Variants in MPPED2 observed in about 807,000 individuals in gnomAD.
MPPED2 encodes the protein metallophosphoesterase MPPED2.
MPPED2 carries 5 observed loss-of-function variants against 33.0 expected under a neutral mutation model. That is an observed-to-expected ratio of 0.15 (90% CI 0.08 to 0.32). The LOEUF (loss-of-function observed/expected upper bound fraction) is 0.32. MPPED2 is among the 10% of genes least tolerant of loss of function. The pLI is 1.00. For synonymous variants in MPPED2, 136 were observed against 141.9 expected (o/e 0.96, Z 0.29); for missense variants, 275 against 372.1 (o/e 0.74, Z 2.15).
chr11:30,579,800 T>C (rs1260061753), intron 2 of MPPED2, among the ~76,000 whole-genome samples: 2 of 149,294 alleles, frequency 1.3e-5, no homozygotes, highest in Admixed American at 1.3e-4. Context: ...CCCAGCTGAA[T>C]GTAAAGGGCT....
intron 4 of MPPED2, among the ~76,000 whole-genome samples, chr11:30,431,110 A>G (rs1949058205): frequency 6.6e-6 from 1 of 152,244 alleles, no homozygotes; most frequent in Non-Finnish European, 1.5e-5. Context: ...GAAAAACAGG[A>G]AAGCTATTCT....
chr11:30,434,994 T>A lies in MPPED2; in HGVS notation c.537-17361A>T, dbSNP rs183574163. Among the ~76,000 whole-genome samples, 37 of 152,308 alleles carry A rather than the reference T, an allele frequency of 2.4e-4. No homozygotes were observed. In the East Asian group the frequency reaches 6.6e-3, roughly 27 times the overall value. On this transcript the variant is annotated intron_variant, in intron 4 of 6. Transcript: ENST00000358117. ...CTTCAGAATCCCCAGTTTCAATATT[T>A]CTTCTTCTCCTTCAAATTTGCTACC...
chr11:30,487,309 A>G (rs1424866463), intron 4 of MPPED2, among the ~76,000 whole-genome samples: 1 of 152,158 alleles, frequency 6.6e-6, no homozygotes, highest in African/African-American at 2.4e-5. Context: ...CACTGCCAGC[A>G]CTTCCCTCTT....
intron 2 of MPPED2, among the ~76,000 whole-genome samples, chr11:30,544,019 G>A (rs147974761): frequency 2.0e-5 from 3 of 152,176 alleles, no homozygotes; most frequent in African/African-American, 2.4e-5. Flanking sequence ...CCCACTGCAC[G>A]GAGTGTGTCT....
At chr11:30,409,018 C>T (rs187422028), downstream of MPPED2, among the ~76,000 whole-genome samples, 43 of 152,272 alleles carry the variant, frequency 2.8e-4, no homozygotes, top group African/African-American at 9.9e-4. Context: ...AATGAGTCTG[C>T]CTTCTAGTTT....
At chr11:30,572,819 C>T (rs543724833) in intron 2 of MPPED2, among the ~76,000 whole-genome samples, 1 of 152,132 alleles carries the variant, frequency 6.6e-6, no homozygotes, top group Admixed American at 6.6e-5. Flanking sequence ...CTATTATATT[C>T]TTTCCCTAAA....
At chr11:30,522,028 C>G (rs985348637) in intron 3 of MPPED2, among the ~76,000 whole-genome samples, 1 of 152,122 alleles carries the variant, frequency 6.6e-6, no homozygotes, top group Non-Finnish European at 1.5e-5. Context: ...AATGTAGGTC[C>G]AAATCCTAAT....
intron 6 of MPPED2, among the ~76,000 whole-genome samples, chr11:30,401,779 G>T (rs2133709380): frequency 6.6e-6 from 1 of 152,154 alleles, no homozygotes; most frequent in African/African-American, 2.4e-5. Context: ...CCATCTCTCA[G>T]GTTCACACCA....
At chr11:30,578,047 G>A (rs942128983) in intron 2 of MPPED2, among the ~76,000 whole-genome samples, 1 of 152,124 alleles carries the variant, frequency 6.6e-6, no homozygotes, top group African/African-American at 2.4e-5. Context: ...GACAGATTAA[G>A]AAAAATAATA....
intron 6 of MPPED2, among the ~76,000 whole-genome samples, chr11:30,400,762 ATT>A (rs34695831): frequency 5.5e-5 from 8 of 145,656 alleles, no homozygotes; most frequent in Middle Eastern, 3.6e-3. Flanking sequence ...ATCATCAAAC[ATT>A]TTTTTTTTTT....
chr11:30,443,364 A>C (rs894674592), intron 4 of MPPED2, among the ~76,000 whole-genome samples: 5 of 152,162 alleles, frequency 3.3e-5, no homozygotes, highest in Non-Finnish European at 5.9e-5. Context: ...CCTGGGGTTT[A>C]GTAAAGTTAG....
At chr11:30,545,243 A>G (rs529587807) in intron 2 of MPPED2, among the ~76,000 whole-genome samples, 34 of 151,592 alleles carry the variant, frequency 2.2e-4, no homozygotes, top group Non-Finnish European at 4.3e-4. Flanking sequence ...AGGTGGGGGG[A>G]TTCTTGAGGA....
rs759287289 is a variant in MPPED2 at position 30,584,367 on chromosome 11, CACACACACA to C, written c.-122+1666_-122+1674del. 1,272 of 151,644 alleles carry C rather than the reference CACACACACA, an allele frequency of 8.4e-3. 17 individuals are homozygous for C. Among genetic ancestry groups the C allele is most frequent in the African/African-American group, 0.028 (1,142 of 40,692 alleles). 9.4% of individuals were successfully genotyped at this position (151,644 alleles called of 1,614,324 possible). On this transcript the variant is annotated intron_variant, in intron 1 of 6. Coordinates refer to ENST00000358117, the MANE Select transcript of MPPED2 (RefSeq NM_001584.3). Reference sequence around the variant, plus strand: ...ACACACACACACACACACACACACACACACACACACCACATACACTCGCCCTGCCCTTCT... The same window carrying C: ...ACACACACACACACACACACACACACCCACATACACTCGCCCTGCCCTTCT...
chr11:30,409,417 G>T (rs564247335), downstream of MPPED2, among the ~76,000 whole-genome samples: 11 of 152,316 alleles, frequency 7.2e-5, no homozygotes, highest in African/African-American at 2.6e-4. Flanking sequence ...TCAAGCATCT[G>T]CTCTGCAAGC....
chr11:30,425,466 A>G (rs553297073), intron 4 of MPPED2: 3 of 152,212 alleles, frequency 2.0e-5, no homozygotes, highest in Admixed American at 6.5e-5. Flanking sequence ...CCTGCCTTTA[A>G]TCTTGTAAAC....
At chr11:30,480,440 GT>G (rs1238004760) in intron 4 of MPPED2, among the ~76,000 whole-genome samples, 21 of 151,990 alleles carry the variant, frequency 1.4e-4, no homozygotes, top group South Asian at 2.1e-4. Flanking sequence ...GAGACTTTCA[GT>G]TTTTTATTTT....
intron 4 of MPPED2, among the ~76,000 whole-genome samples, chr11:30,450,183 C>T (rs563353082): frequency 6.1e-4 from 93 of 152,308 alleles, no homozygotes; most frequent in African/African-American, 2.2e-3. Flanking sequence ...AATATGAACT[C>T]ATTACTTTTT....
intron 6 of MPPED2, among the ~76,000 whole-genome samples, chr11:30,413,194 G>A (rs891035004): frequency 2.0e-5 from 3 of 152,206 alleles, no homozygotes; most frequent in Admixed American, 2.0e-4. Context: ...ACCTAACCAG[G>A]AAGCCACTGA....
chr11:30,513,490 C>T (rs146696346), intron 3 of MPPED2, among the ~76,000 whole-genome samples: 40 of 152,320 alleles, frequency 2.6e-4, no homozygotes, highest in African/African-American at 9.6e-4. Flanking sequence ...AGTATAGTTC[C>T]TATGGTATCT....
Sources: gnomAD v4.1 joint callset for allele counts (sites outside exome capture counted in the v4.1 genomes callset) on GRCh38, gnomAD v4.1.1 for gene constraint, MANE v1.5 for transcripts, NCBI Gene and HGNC (gene_info 2026-07-23, HGNC 2026-07-21) for gene names.